CCDC141: variants seen among roughly 807,000 people sequenced by gnomAD.
The protein encoded by CCDC141 is coiled-coil domain containing 141.
CCDC141 carries 168 observed loss-of-function variants against 181.0 expected under a neutral mutation model. That is an observed-to-expected ratio of 0.93 (90% CI 0.82 to 1.05). CCDC141 has a LOEUF of 1.05. CCDC141 is among the 50% of genes least tolerant of loss of function. The pLI, the probability that CCDC141 is intolerant of heterozygous loss-of-function variation, is 0.00. For synonymous variants in CCDC141, 666 were observed against 642.3 expected (o/e 1.04, Z -0.56); for missense variants, 1,902 against 1,788.5 (o/e 1.06, Z -1.14).
intron 4 of CCDC141, among the ~76,000 whole-genome samples, chr2:178,961,993 G>A (rs969680272): frequency 6.6e-6 from 1 of 152,150 alleles, no homozygotes; most frequent in Non-Finnish European, 1.5e-5. Context: ...GTTGACATGA[G>A]GAATATGGGT....
At chr2:178,977,987 A>G (rs1691200378) in intron 3 of CCDC141, among the ~76,000 whole-genome samples, 1 of 152,194 alleles carries the variant, frequency 6.6e-6, no homozygotes, top group African/African-American at 2.4e-5. Context: ...AAAATCAACT[A>G]TACGCCTTAG....
intron 17 of CCDC141, among the ~76,000 whole-genome samples, chr2:178,857,178 T>C (rs1343747983): frequency 6.6e-6 from 1 of 152,182 alleles, no homozygotes; most frequent in Non-Finnish European, 1.5e-5. Context: ...TATCTTTTAA[T>C]ACTCTCTCAC....
At chr2:178,865,678 A>C in intron 17 of CCDC141, 89 bp downstream of exon 17, 1 of 1,193,236 alleles carries the variant, frequency 8.4e-7, no homozygotes, top group Non-Finnish European at 1.1e-6. Flanking sequence ...TGTGTGTGGG[A>C]GTGTGCACAA....
intron 2 of CCDC141, among the ~76,000 whole-genome samples, chr2:179,005,687 T>G (rs2042104844): frequency 6.6e-6 from 1 of 152,104 alleles, no homozygotes; most frequent in Admixed American, 6.6e-5. Context: ...CAGGCTGGAG[T>G]GCAGTGGTGC....
downstream of CCDC141, among the ~76,000 whole-genome samples, chr2:178,829,355 G>A (rs1684175715): frequency 6.6e-6 from 1 of 152,190 alleles, no homozygotes; most frequent in African/African-American, 2.4e-5. Flanking sequence ...TTGAACAGAA[G>A]GAAGAGTGAG....
chr2:178,881,432 T>C (rs1686601546), intron 11 of CCDC141, among the ~76,000 whole-genome samples: 2 of 152,170 alleles, frequency 1.3e-5, no homozygotes, highest in Non-Finnish European at 2.9e-5. Context: ...AAATCTGTTC[T>C]TTCAAAAAAG....
intron 17 of CCDC141, among the ~76,000 whole-genome samples, chr2:178,861,176 T>C (rs1297342550): frequency 6.6e-6 from 1 of 151,966 alleles, no homozygotes; most frequent in Admixed American, 6.6e-5. Context: ...TGCTTTTTTT[T>C]TTTTCTTTTC....
At chr2:178,900,877 G>A (rs1307331629) in intron 8 of CCDC141, among the ~76,000 whole-genome samples, 3 of 152,116 alleles carry the variant, frequency 2.0e-5, no homozygotes, top group African/African-American at 7.2e-5. Context: ...TTCAGACACT[G>A]AACAATTAGT....
intron 6 of CCDC141, among the ~76,000 whole-genome samples, chr2:178,922,642 T>G (rs1245770870): frequency 3.3e-5 from 5 of 152,194 alleles, no homozygotes; most frequent in Non-Finnish European, 7.3e-5. Context: ...TTAGACTTAG[T>G]TTTGCTTAGC....
At chr2:178,898,839 C>A (rs1687539463) in intron 8 of CCDC141, among the ~76,000 whole-genome samples, 2 of 152,064 alleles carry the variant, frequency 1.3e-5, no homozygotes, top group African/African-American at 4.8e-5. Flanking sequence ...GATCAAAGGG[C>A]CTCTGAAATT....
chr2:178,872,013 A>G (rs1402697061), intron 13 of CCDC141, 120 bp downstream of exon 13: 5 of 987,560 alleles, frequency 5.1e-6, no homozygotes, highest in South Asian at 3.6e-5. Context: ...AAGTGGAATC[A>G]CACGATATTT....
intron 2 of CCDC141, among the ~76,000 whole-genome samples, chr2:179,000,141 C>T (rs1248667679): frequency 6.6e-6 from 1 of 151,582 alleles, no homozygotes; most frequent in African/African-American, 2.4e-5. Flanking sequence ...CAAACTATGG[C>T]TTATGATCCA....
intron 2 of CCDC141, among the ~76,000 whole-genome samples, chr2:179,038,029 G>T (rs951162296): frequency 6.6e-6 from 1 of 152,134 alleles, no homozygotes; most frequent in Admixed American, 6.6e-5. Flanking sequence ...CAAAAGAATT[G>T]AAAACAGATA....
intron 18 of CCDC141, among the ~76,000 whole-genome samples, 175 bp from the exon 19 acceptor site, chr2:178,855,716 T>C (rs910383046): frequency 5.3e-5 from 8 of 152,244 alleles, no homozygotes; most frequent in African/African-American, 1.9e-4. Context: ...ATTCTATTGA[T>C]TTAGCATTCA....
intron 12 of CCDC141, among the ~76,000 whole-genome samples, chr2:178,872,647 C>T (rs554763714): frequency 2.0e-5 from 3 of 152,248 alleles, no homozygotes; most frequent in African/African-American, 7.2e-5. Context: ...TATACCTATA[C>T]GCATTTTAAG....
chr2:178,867,584 G>A (rs1055496839), intron 16 of CCDC141, among the ~76,000 whole-genome samples: 4 of 152,002 alleles, frequency 2.6e-5, no homozygotes, highest in South Asian at 4.1e-4. Context: ...TTACAGTTTC[G>A]AAAGTTGATT....
At chr2:179,016,977 G>GT (rs1395757684) in intron 2 of CCDC141, among the ~76,000 whole-genome samples, 6 of 151,892 alleles carry the variant, frequency 4.0e-5, no homozygotes, top group Non-Finnish European at 5.9e-5. Flanking sequence ...TTCAAGAAGT[G>GT]TTTTTTCTTT....
chr2:179,012,127 A>G (rs2042286834), intron 2 of CCDC141, among the ~76,000 whole-genome samples: 1 of 152,160 alleles, frequency 6.6e-6, no homozygotes, highest in African/African-American at 2.4e-5. Flanking sequence ...TCAGAACAGA[A>G]CTAAATGAAA....
At chr2:178,862,588 A>C (rs56345539) in intron 17 of CCDC141, among the ~76,000 whole-genome samples, 19,031 of 152,206 alleles carry the variant, frequency 0.13, 1,211 homozygotes, top group South Asian at 0.15. Flanking sequence ...AAAAATATGA[A>C]TTATATTCAA....
Sources: gnomAD v4.1 joint callset for allele counts (sites outside exome capture counted in the v4.1 genomes callset) on GRCh38, gnomAD v4.1.1 for gene constraint, MANE v1.5 for transcripts, NCBI Gene and HGNC (gene_info 2026-07-23, HGNC 2026-07-21) for gene names.